Variants in RIC1 observed in about 807,000 individuals in gnomAD.
The protein encoded by RIC1 is RIC1 partner of RAB6A GEF complex.
Under a neutral mutation model 169.0 loss-of-function variants are expected in RIC1, and 88 were observed. That is an observed-to-expected ratio of 0.52 (90% CI 0.44 to 0.62). The LOEUF is 0.62. RIC1 is among the 20% of genes least tolerant of loss of function. The pLI, the probability that RIC1 is intolerant of heterozygous loss-of-function variation, is 0.00. For missense variants in RIC1, 1,877 were observed against 1,725.5 expected (o/e 1.09, Z -1.56); for synonymous variants, 790 against 601.5 (o/e 1.31, Z -4.59).
intron 2 of RIC1, among the ~76,000 whole-genome samples, chr9:5,689,441 A>C (rs16923361): frequency 0.011 from 1,740 of 152,286 alleles, 47 homozygotes; most frequent in African/African-American, 0.04. Flanking sequence ...GCTCTGTTTT[A>C]TGTCTGTATC....
At chr9:5,639,616 C>T (rs1818137815) in intron 1 of RIC1, among the ~76,000 whole-genome samples, 1 of 152,142 alleles carries the variant, frequency 6.6e-6, no homozygotes, top group Non-Finnish European at 1.5e-5. Context: ...TTGTATAGTG[C>T]AGATTAAGTC....
chr9:5,655,570 G>C (rs572859686), intron 1 of RIC1, among the ~76,000 whole-genome samples: 3 of 152,284 alleles, frequency 2.0e-5, no homozygotes, highest in Admixed American at 2.0e-4. Context: ...CAAAGTGCTG[G>C]GATTACAGGC....
In RIC1 at chr9:5,720,600, A is replaced by G. The variant is rs1823529143; in HGVS notation, c.584-14A>G. On this transcript the variant is annotated splice_polypyrimidine_tract_variant and intron_variant, in intron 5 of 25. Transcript: ENST00000414202. ...ATTCTTAATCCTATTTCATGTGCTT[A>G]TTTTTTTCATCAGTAGGTTCATTCC... 1.3e-6 allele frequency: 2 copies of G among 1,574,086 alleles called. No individual in the cohort carries two copies. The highest frequency in any genetic ancestry group is 1.2e-5 in the South Asian group (1 of 84,060).
chr9:5,710,871 G>A lies in RIC1; in HGVS notation c.333-3025G>A, dbSNP rs531137410. 2.6e-5 allele frequency among the ~76,000 whole-genome samples: 4 copies of A among 152,142 alleles called. No individual in the cohort carries two copies. The South Asian group carries it at 8.3e-4, about 32-fold the overall frequency. On this transcript the variant is annotated intron_variant, in intron 3 of 25. Coordinates refer to ENST00000414202, the MANE Select transcript of RIC1 (RefSeq NM_020829.4). ...AGAAACAGTTGAGGAACTTTCCCTGGATATAGAATAAAAGACAAGAATAAG... is the reference window on the plus strand; with the variant it reads ...AGAAACAGTTGAGGAACTTTCCCTGAATATAGAATAAAAGACAAGAATAAG...
chr9:5,686,683 C>T (rs911739689), intron 2 of RIC1, among the ~76,000 whole-genome samples: 12 of 151,050 alleles, frequency 7.9e-5, no homozygotes, highest in Middle Eastern at 3.4e-3. Context: ...GGCTAGATGA[C>T]GAGTTAGTGG....
At chr9:5,692,737 A>G (rs905710426) in intron 3 of RIC1, among the ~76,000 whole-genome samples, 1 of 152,074 alleles carries the variant, frequency 6.6e-6, no homozygotes, top group Non-Finnish European at 1.5e-5. Context: ...TTAAAACCTG[A>G]AAAATAGTGG....
rs540156744 is a variant in RIC1, at chr9:5,683,962, T to A, written c.253-5997T>A. Among the ~76,000 whole-genome samples, 3 of 152,278 alleles carry A rather than the reference T, an allele frequency of 2.0e-5. 1 individual carries two copies. The South Asian group carries it at 6.2e-4, about 32-fold the overall frequency. On this transcript the variant is annotated intron_variant, in intron 2 of 25. Coordinates refer to ENST00000414202, the MANE Select transcript of RIC1 (RefSeq NM_020829.4). ...TCCGAGCCAGGTGCGGGATATAATC[T>A]CCTGGTATGCCATTTGTTAACCCTG...
chr9:5,749,436 T>C (rs890570785), intron 12 of RIC1, among the ~76,000 whole-genome samples: 1 of 152,190 alleles, frequency 6.6e-6, no homozygotes, highest in Non-Finnish European at 1.5e-5. Context: ...TGAAGAAACA[T>C]AGTTGCCTGG....
chr9:5,683,357 C>G (rs199700518), intron 2 of RIC1, among the ~76,000 whole-genome samples: 3 of 152,260 alleles, frequency 2.0e-5, no homozygotes, highest in South Asian at 2.1e-4. Flanking sequence ...TTAGTTTTCC[C>G]TCTAACAGTC....
chr9:5,777,167 G>A (rs538812366), downstream of RIC1, among the ~76,000 whole-genome samples: 51 of 152,178 alleles, frequency 3.4e-4, no homozygotes, highest in African/African-American at 1.2e-3. Flanking sequence ...GAAGAAAAAT[G>A]TCTGTTTAAT....
intron 2 of RIC1, among the ~76,000 whole-genome samples, chr9:5,659,740 T>C (rs1482485479): frequency 6.6e-6 from 1 of 152,198 alleles, no homozygotes; most frequent in Non-Finnish European, 1.5e-5. Context: ...TCATTAAATT[T>C]ATTTTTAAGT....
intron 8 of RIC1, among the ~76,000 whole-genome samples, chr9:5,739,765 C>G (rs994817237): frequency 7.9e-5 from 12 of 151,800 alleles, no homozygotes; most frequent in African/African-American, 2.9e-4. Flanking sequence ...GCTGTTTCTT[C>G]TGGCAAAAAA....
chr9:5,738,825 A>G (rs531467107), intron 8 of RIC1, among the ~76,000 whole-genome samples: 5 of 149,916 alleles, frequency 3.3e-5, no homozygotes, highest in African/African-American at 1.2e-4. Flanking sequence ...GGAACACCAT[A>G]ATTAATTAGC....
chr9:5,709,316 C>T (rs192020026), intron 3 of RIC1, among the ~76,000 whole-genome samples: 2 of 152,150 alleles, frequency 1.3e-5, no homozygotes, highest in Admixed American at 6.5e-5. Context: ...CCTTAGCATT[C>T]ATTCCATTAT....
intron 2 of RIC1, among the ~76,000 whole-genome samples, chr9:5,668,450 G>A (rs554874979): frequency 2.8e-4 from 43 of 152,144 alleles, no homozygotes; most frequent in African/African-American, 9.4e-4. Context: ...GTATATTCAC[G>A]GATTTCATTA....
intron 2 of RIC1, among the ~76,000 whole-genome samples, chr9:5,657,757 T>G (rs1401048506): frequency 1.3e-5 from 2 of 152,130 alleles, no homozygotes; most frequent in African/African-American, 4.8e-5. Context: ...TGCAGATGAC[T>G]GACCATGTAC....
intron 3 of RIC1, among the ~76,000 whole-genome samples, chr9:5,696,309 AC>A (rs1480070393): frequency 6.6e-6 from 1 of 152,004 alleles, no homozygotes; most frequent in Non-Finnish European, 1.5e-5. Flanking sequence ...GGCATTTAGA[AC>A]CTACTTTCTC....
In RIC1 at chr9:5,774,122, ATGGAAGCATCCCCCAGGGTGAAGT is replaced by A; in HGVS notation, c.4157_4180del (p.Ile1386_Ser1393del). 2 of 1,614,060 alleles carry A rather than the reference ATGGAAGCATCCCCCAGGGTGAAGT, an allele frequency of 1.2e-6. No individual in the cohort carries two copies. Among genetic ancestry groups the A allele is most frequent in the South Asian group, 2.2e-5 (2 of 91,068 alleles). On this transcript the variant is annotated inframe_deletion, in exon 26 of 26. Transcript: ENST00000414202. ...GAGGAGAGCAGGGGCTCCTCCAGCCATGGAAGCATCCCCCAGGGTGAAGTTGGAAGCAGCAATATGGTCAGCCGG... is the reference window on the plus strand; with the variant it reads ...GAGGAGAGCAGGGGCTCCTCCAGCCATGGAAGCAGCAATATGGTCAGCCGG...
At chr9:5,670,240 A>C (rs1820010394) in intron 2 of RIC1, among the ~76,000 whole-genome samples, 1 of 152,200 alleles carries the variant, frequency 6.6e-6, no homozygotes, top group African/African-American at 2.4e-5. Flanking sequence ...TTATTTCTTC[A>C]ACCCTATGTA....
Sources: allele counts gnomAD v4.1 joint callset (sites outside exome capture counted in the v4.1 genomes callset), GRCh38; gene constraint gnomAD v4.1.1; transcripts MANE v1.5; gene names NCBI Gene and HGNC (gene_info 2026-07-23, HGNC 2026-07-21).